The following ADAM18 variants were observed in gnomAD, a reference collection of about 807,000 sequenced individuals.
ADAM18 encodes ADAM metallopeptidase domain 18, also known as disintegrin and metalloproteinase domain-containing protein 18.
Under a neutral mutation model 94.4 loss-of-function variants are expected in ADAM18, and 117 were observed. That is an observed-to-expected ratio of 1.24 (90% confidence interval 1.07 to 1.45). The LOEUF (loss-of-function observed/expected upper bound fraction) is 1.45. Among genes scored for constraint, ADAM18 ranks in the 40% most tolerant of loss-of-function variants. The pLI is 0.00. For synonymous variants in ADAM18, 327 were observed against 291.6 expected (o/e 1.12, Z -1.24); for missense variants, 936 against 880.0 (o/e 1.06, Z -0.81).
At chr8:39,653,057 C>T (rs927019581) in intron 12 of ADAM18, among the ~76,000 whole-genome samples, 1 of 151,910 alleles carries the variant, frequency 6.6e-6, no homozygotes, top group Non-Finnish European at 1.5e-5. Flanking sequence ...TCAAAGGATA[C>T]AGAATTTAAA....
chr8:39,634,618 G>T (rs1820028147), intron 7 of ADAM18, among the ~76,000 whole-genome samples: 1 of 152,080 alleles, frequency 6.6e-6, no homozygotes, highest in Non-Finnish European at 1.5e-5. Flanking sequence ...CATTGGCTTG[G>T]GACCTGCTAT....
chr8:39,606,725 T>C (rs1227398616), intron 3 of ADAM18, among the ~76,000 whole-genome samples: 1 of 152,108 alleles, frequency 6.6e-6, no homozygotes, highest in Admixed American at 6.5e-5. Flanking sequence ...ACAGGCTTTG[T>C]GTGAGCAATA....
chr8:39,646,868 G>A (rs901408101), intron 11 of ADAM18, among the ~76,000 whole-genome samples: 75 of 152,130 alleles, frequency 4.9e-4, no homozygotes, highest in African/African-American at 1.7e-3. Context: ...CAAAAGTGCT[G>A]TATAGAAAAA....
At chr8:39,709,068 T>C (rs4733923) in intron 18 of ADAM18, among the ~76,000 whole-genome samples, 57,310 of 152,102 alleles carry the variant, frequency 0.38, 12,771 homozygotes, top group East Asian at 0.75. Flanking sequence ...AGTGTGACAG[T>C]CTTTTGCATC....
At chr8:39,611,618 A>C (rs1819274114) in intron 6 of ADAM18, 1 of 981,518 alleles carries the variant, frequency 1.0e-6, no homozygotes, top group Non-Finnish European at 1.2e-6. Context: ...TGGAAACAGC[A>C]TTGCTTCCAC....
chr8:39,635,202 T>C (rs1820044586), intron 7 of ADAM18, among the ~76,000 whole-genome samples: 1 of 152,212 alleles, frequency 6.6e-6, no homozygotes, highest in Non-Finnish European at 1.5e-5. Context: ...GATTTCTCTT[T>C]TTTATAATAC....
At chr8:39,716,584 A>C (rs1023075303) in intron 18 of ADAM18, among the ~76,000 whole-genome samples, 5 of 151,924 alleles carry the variant, frequency 3.3e-5, no homozygotes, top group African/African-American at 1.2e-4. Context: ...CAATCTTCTT[A>C]AATTTGTTAA....
At chr8:39,728,202 T>C (rs1271692618) in intron 19 of ADAM18, among the ~76,000 whole-genome samples, 2 of 152,118 alleles carry the variant, frequency 1.3e-5, no homozygotes, top group Non-Finnish European at 2.9e-5. Context: ...GCACCACCTC[T>C]AGCACTGGGG....
At chr8:39,600,219 C>G (rs866043831) in intron 2 of ADAM18, among the ~76,000 whole-genome samples, 2 of 152,050 alleles carry the variant, frequency 1.3e-5, no homozygotes, top group Admixed American at 6.6e-5. Context: ...CTGCAGGCCA[C>G]AAAGTTTTAT....
At chr8:39,635,023 T>G (rs1187800161) in intron 7 of ADAM18, among the ~76,000 whole-genome samples, 1 of 152,136 alleles carries the variant, frequency 6.6e-6, no homozygotes, top group Non-Finnish European at 1.5e-5. Context: ...AGGTGATTAG[T>G]GCACAAGAAC....
chr8:39,653,049 A>G (rs753438866), intron 12 of ADAM18, among the ~76,000 whole-genome samples: 2 of 152,142 alleles, frequency 1.3e-5, no homozygotes, highest in Non-Finnish European at 2.9e-5. Flanking sequence ...GATGGTGGTC[A>G]AAGGATACAG....
rs1820106167 is a variant in ADAM18 at position 39,637,291 on chromosome 8, G to T, written c.616G>T (p.Ala206Ser). ...TGATTATATGGGATCTGAAATGATG[G>T]CTGTAACACAAAAAATTGTCCAGGT... Reference protein sequence around the residue: ...LYDYMGSEMMAVTQKIVQVIG... With the variant: ...LYDYMGSEMMSVTQKIVQVIG... Residue 206 changes from alanine to serine, a missense_variant, in exon 8 of 20, where the codon GCT becomes TCT. Coordinates refer to ENST00000265707, the MANE Select transcript of ADAM18 (RefSeq NM_014237.3). The T allele has an allele frequency of 6.2e-7, 1 of 1,605,458 alleles. No homozygotes were observed. The highest frequency in any genetic ancestry group is 1.3e-5 in the African/African-American group (1 of 74,436).
intron 2 of ADAM18, among the ~76,000 whole-genome samples, chr8:39,602,668 T>C (rs1323036847): frequency 1.3e-5 from 2 of 152,198 alleles, no homozygotes; most frequent in Non-Finnish European, 2.9e-5. Context: ...TTTCTTGTTT[T>C]TGAGTTTCAA....
intron 18 of ADAM18, among the ~76,000 whole-genome samples, chr8:39,717,199 C>A (rs1586011898): frequency 6.6e-6 from 1 of 151,688 alleles, no homozygotes; most frequent in Admixed American, 6.6e-5. Flanking sequence ...ACAATCTAAG[C>A]TCAATCACAT....
At chr8:39,719,284 T>A (rs1563320155) in intron 18 of ADAM18, among the ~76,000 whole-genome samples, 2 of 151,428 alleles carry the variant, frequency 1.3e-5, no homozygotes, top group African/African-American at 4.8e-5. Context: ...TATATTTATA[T>A]GTAAAAAAGA....
chr8:39,667,401 CAA>C (rs377507911), intron 13 of ADAM18, among the ~76,000 whole-genome samples: 19 of 53,996 alleles, frequency 3.5e-4, no homozygotes, highest in Admixed American at 4.2e-4. Context: ...AACTCCATCT[CAA>C]AAAAAAAAAA....
intron 11 of ADAM18, among the ~76,000 whole-genome samples, chr8:39,647,255 G>A (rs1235013320): frequency 6.9e-6 from 1 of 144,984 alleles, no homozygotes; most frequent in Non-Finnish European, 1.5e-5. Context: ...AAAAAAATCT[G>A]AGCAAAAGAA....
rs199777132 is a variant in ADAM18 at position 39,668,171 on chromosome 8, C to T, written c.1500C>T (p.Asn500=). ...ACGGACAATGTCAAACTACTGATAA[C>T]CAGTGTGCCAAGATATTTGGAAAAG... ...CYNGQCQTTD[N]QCAKIFGKGA... The change falls in exon 14 of 20, where the codon AAC becomes AAT. Residue 500 remains asparagine (N), a synonymous_variant. Coordinates refer to ENST00000265707, the MANE Select transcript of ADAM18 (RefSeq NM_014237.3). The T allele has an allele frequency of 8.7e-5, 141 of 1,613,894 alleles. No individual in the cohort carries two copies. Among genetic ancestry groups the T allele is most frequent in the Non-Finnish European group, 1.2e-4 (137 of 1,179,956 alleles).
intron 18 of ADAM18, among the ~76,000 whole-genome samples, chr8:39,707,709 A>G (rs1159861446): frequency 6.6e-6 from 1 of 152,144 alleles, no homozygotes; most frequent in Non-Finnish European, 1.5e-5. Flanking sequence ...AAATATAAAC[A>G]TACAAGTTTA....
Sources: gnomAD v4.1 joint callset for allele counts (sites outside exome capture counted in the v4.1 genomes callset) on GRCh38, gnomAD v4.1.1 for gene constraint, MANE v1.5 for transcripts, NCBI Gene and HGNC (gene_info 2026-07-23, HGNC 2026-07-21) for gene names.